RBPJ: variants seen among roughly 807,000 people sequenced by gnomAD.
The protein encoded by RBPJ is recombination signal binding protein for immunoglobulin kappa J region.
Under a neutral mutation model 67.8 loss-of-function variants are expected in RBPJ, and 9 were observed. That is an observed-to-expected ratio of 0.13 (90% CI 0.08 to 0.23). The LOEUF (loss-of-function observed/expected upper bound fraction) is 0.23. Among genes scored for constraint, RBPJ ranks in the 10% least tolerant of loss-of-function variants. The probability of loss-of-function intolerance (pLI) is 1.00; values close to 1 mark genes in which losing one functional copy is unlikely to be tolerated. For missense variants in RBPJ, 305 were observed against 595.6 expected (o/e 0.51, Z 5.08); for synonymous variants, 198 against 203.3 (o/e 0.97, Z 0.22).
rs139747968 is a variant in RBPJ, at chr4:26,231,907, T to A, written c.-167+68293T>A. 2.6e-3 allele frequency among the ~76,000 whole-genome samples: 392 copies of A among 151,838 alleles called. 7 individuals carry two copies. The highest frequency in any genetic ancestry group is 0.013 in the East Asian group (69 of 5,144). On this transcript the variant is annotated intron_variant, in intron 1 of 4. Transcript: ENST00000512351. ...TTTATTTTTATTTATTTATTTATTT[T>A]TTTAGACAGAGTCTCACTCTGTCGC... is the stretch of plus-strand genomic sequence containing the variant.
the RBPJ span, among the ~76,000 whole-genome samples, chr4:26,114,747 A>G: frequency 2.0e-5 from 3 of 152,232 alleles, no homozygotes; most frequent in African/African-American, 4.8e-5. Flanking sequence ...ATATGGGTGT[A>G]TATGTAAATA....
chr4:26,112,755 C>CTTTTTTT, the RBPJ span: 1 of 88,706 alleles, frequency 1.1e-5, no homozygotes, highest in African/African-American at 4.8e-5. Context: ...AAGGGAGAAT[C>CTTTTTTT]TTTTTTTTTT....
the RBPJ span, among the ~76,000 whole-genome samples, chr4:26,147,461 A>G: frequency 6.6e-6 from 1 of 152,174 alleles, no homozygotes; most frequent in Non-Finnish European, 1.5e-5. Flanking sequence ...GTTGCTCACC[A>G]TTGCCGAATC....
the RBPJ span, among the ~76,000 whole-genome samples, chr4:26,143,983 T>C: frequency 1.3e-5 from 2 of 151,992 alleles, no homozygotes; most frequent in Non-Finnish European, 2.9e-5. Context: ...CTAAAAACAG[T>C]CAAAAGACAT....
At chr4:26,357,097 CA>C (rs1246646005) in intron 1 of RBPJ, among the ~76,000 whole-genome samples, 1 of 151,944 alleles carries the variant, frequency 6.6e-6, no homozygotes, top group African/African-American at 2.4e-5. Context: ...TTAGATCAGA[CA>C]AAAAAGTATT....
rs572554863 is a variant in RBPJ at position 26,289,235 on chromosome 4, A to G, written c.-166-73211A>G. Among the ~76,000 whole-genome samples the G allele has an allele frequency of 1.1e-4, 16 of 149,760 alleles. 1 individual carries two copies. Among genetic ancestry groups the G allele is most frequent in the Middle Eastern group, 6.8e-3 (2 of 294 alleles). On this transcript the variant is annotated intron_variant, in intron 1 of 4. Coordinates refer to the RBPJ transcript ENST00000512351. ...AACATAGTGAAACCCCATCTCTACT[A>G]AAAATACAAAAATTAGCTGGGCACA...
chr4:26,235,880 C>A (rs918607052), intron 1 of RBPJ, among the ~76,000 whole-genome samples: 1 of 152,198 alleles, frequency 6.6e-6, no homozygotes, highest in African/African-American at 2.4e-5. Context: ...TTCCTCACCA[C>A]CAAAGTGAAG....
At chr4:26,351,689 G>A (rs1726821391) in intron 1 of RBPJ, among the ~76,000 whole-genome samples, 1 of 152,132 alleles carries the variant, frequency 6.6e-6, no homozygotes, top group South Asian at 2.1e-4. Context: ...CCTTGAGAAT[G>A]GTTTTTATGT....
intron 7 of RBPJ, among the ~76,000 whole-genome samples, chr4:26,426,334 T>C (rs966012939): frequency 7.9e-5 from 12 of 152,340 alleles, no homozygotes; most frequent in Middle Eastern, 3.4e-3. Flanking sequence ...TTTAAAACAA[T>C]GTTTTCATTT....
At chr4:26,262,052 C>T (rs1720556336) in intron 1 of RBPJ, among the ~76,000 whole-genome samples, 1 of 152,110 alleles carries the variant, frequency 6.6e-6, no homozygotes, top group African/African-American at 2.4e-5. Flanking sequence ...CTCAAGCGGT[C>T]CTCCCACCTC....
chr4:26,417,517 A>G (rs1056486720), intron 4 of RBPJ, among the ~76,000 whole-genome samples: 3 of 152,218 alleles, frequency 2.0e-5, no homozygotes, highest in African/African-American at 7.2e-5. Context: ...ATAGGTTAGT[A>G]CAATGTCTGT....
At chr4:26,215,111 GAAAGA>G (rs752252581) in intron 1 of RBPJ, among the ~76,000 whole-genome samples, 50,607 of 93,520 alleles carry the variant, frequency 0.54, 20,079 homozygotes, top group East Asian at 0.77. Flanking sequence ...GAAAGAAAAA[GAAAGA>G]AAGGAAAGAG....
chr4:26,164,021 A>G (rs1029970775), intron 1 of RBPJ, among the ~76,000 whole-genome samples: 9 of 152,256 alleles, frequency 5.9e-5, no homozygotes, highest in African/African-American at 2.2e-4. Context: ...AAAAACATCT[A>G]TAGTCCCTCT....
intron 1 of RBPJ, among the ~76,000 whole-genome samples, chr4:26,265,732 AAAAG>A (rs1273642914): frequency 3.3e-5 from 5 of 152,206 alleles, no homozygotes; most frequent in African/African-American, 9.6e-5. Context: ...GGAAGGAAAC[AAAAG>A]AAAGAAAGTT....
intron 1 of RBPJ, among the ~76,000 whole-genome samples, chr4:26,179,390 C>T (rs1716903612): frequency 6.6e-6 from 1 of 151,230 alleles, no homozygotes; most frequent in Admixed American, 6.6e-5. Context: ...TCCCAGCTGT[C>T]ATAGCCACTG....
At chr4:26,134,330 A>G in the RBPJ span, among the ~76,000 whole-genome samples, 1 of 152,180 alleles carries the variant, frequency 6.6e-6, no homozygotes, top group African/African-American at 2.4e-5. Context: ...GACCTGAGAC[A>G]TAATTTGCAG....
chr4:26,419,658 A>G (rs1734933894), intron 4 of RBPJ, among the ~76,000 whole-genome samples: 2 of 152,200 alleles, frequency 1.3e-5, no homozygotes, highest in Non-Finnish European at 2.9e-5. Flanking sequence ...TTAGATACTT[A>G]TGCTGTGTTT....
chr4:26,157,359 G>C, the RBPJ span, among the ~76,000 whole-genome samples: 1 of 152,076 alleles, frequency 6.6e-6, no homozygotes, highest in African/African-American at 2.4e-5. Flanking sequence ...CTCAAGCCCA[G>C]GAGTTTGAGG....
At chr4:26,423,508 G>T (rs763504881) in intron 5 of RBPJ, among the ~76,000 whole-genome samples, 1 of 152,192 alleles carries the variant, frequency 6.6e-6, no homozygotes. Context: ...TCAGATTTAA[G>T]TTTGTTGTCC....
Sources: allele counts gnomAD v4.1 joint callset (sites outside exome capture counted in the v4.1 genomes callset), GRCh38; gene constraint gnomAD v4.1.1; transcripts MANE v1.5; gene names NCBI Gene and HGNC (gene_info 2026-07-23, HGNC 2026-07-21).